NOP9: variants seen among roughly 807,000 people sequenced by gnomAD.
NOP9 encodes the protein nucleolar protein 9.
Under a neutral mutation model 63.0 loss-of-function variants are expected in NOP9, and 50 were observed. That is an observed-to-expected ratio of 0.79 (90% CI 0.63 to 1.00). NOP9 has a LOEUF of 1.00. NOP9 is among the 50% of genes least tolerant of loss of function. The pLI is 0.00. For missense variants in NOP9, 758 were observed against 803.0 expected, an observed-to-expected ratio of 0.94 and a Z score of 0.68; for synonymous variants, 343 against 332.8, an observed-to-expected ratio of 1.03 and a Z score of -0.33.
Position 24,299,865 on chromosome 14 carries a change from C to G in NOP9, c.-90C>G. The G allele has an allele frequency of 6.9e-7, 1 of 1,449,654 alleles. No homozygotes were observed. 89.8% of individuals were successfully genotyped at this position (1,449,654 alleles called of 1,614,324 possible). On this transcript the variant is annotated 5_prime_UTR_variant, in exon 1 of 10. Transcript: ENST00000267425. ...TCAGGAGCGCGCCCGCGTTTCTAAACTTTGTCTGGATAAGGCGCACGCTTG... is the reference window on the plus strand; with the variant it reads ...TCAGGAGCGCGCCCGCGTTTCTAAAGTTTGTCTGGATAAGGCGCACGCTTG...
rs765463057 is a variant in NOP9 at position 24,301,731 on chromosome 14, G to T, written c.808+9G>T. The stretch of plus-strand genomic sequence containing the variant: ...TCTGAAGGACATTGCAGGTAAGGAG[G>T]GAAGTAGGAGGATGGTCTCGTATCT... On this transcript the variant is annotated intron_variant, in intron 3 of 9. Coordinates refer to ENST00000267425, the MANE Select transcript of NOP9 (RefSeq NM_174913.3). The T allele has an allele frequency of 6.2e-7, 1 of 1,613,468 alleles. No individual in the cohort carries two copies.
the NOP9 span, among the ~76,000 whole-genome samples, chr14:24,275,362 A>C: frequency 1.3e-5 from 2 of 152,208 alleles, no homozygotes; most frequent in Non-Finnish European, 2.9e-5. Context: ...CATATTTTAC[A>C]ATGAAGCAAC....
chr14:24,303,386 A>AT (rs3052629), intron 6 of NOP9, among the ~76,000 whole-genome samples, 172 bp downstream of exon 6: 140 of 140,198 alleles, frequency 1.0e-3, no homozygotes, highest in African/African-American at 3.2e-3. Context: ...TACCCAGCTA[A>AT]TTTTTTTTTT....
chr14:24,283,774 C>T, the NOP9 span, among the ~76,000 whole-genome samples: 2 of 152,348 alleles, frequency 1.3e-5, no homozygotes, highest in East Asian at 1.9e-4. Flanking sequence ...CAGCTCTTTC[C>T]CCTACTGTCA....
the NOP9 span, chr14:24,271,242 A>G: frequency 3.9e-6 from 5 of 1,284,144 alleles, no homozygotes; most frequent in Non-Finnish European, 4.2e-6. Context: ...GGAAGCAGCA[A>G]GCGTGCCTGG....
chr14:24,285,845 T>G, the NOP9 span, among the ~76,000 whole-genome samples: 2 of 151,966 alleles, frequency 1.3e-5, no homozygotes, highest in Non-Finnish European at 2.9e-5. Context: ...AAAAATTAGC[T>G]GGGCGTGGTG....
At chr14:24,302,515 C>A in intron 5 of NOP9, 91 bp downstream of exon 5, 1 of 1,274,142 alleles carries the variant, frequency 7.8e-7, no homozygotes, top group Non-Finnish European at 1.1e-6. Flanking sequence ...ATACCTTTGA[C>A]ATTGTGCTGG....
At chr14:24,281,669 G>T in the NOP9 span, among the ~76,000 whole-genome samples, 1 of 152,208 alleles carries the variant, frequency 6.6e-6, no homozygotes, top group Non-Finnish European at 1.5e-5. Context: ...GTTGAGATGG[G>T]CCTGGCTGGA....
chr14:24,299,905 C>A lies in NOP9; in HGVS notation c.-50C>A, dbSNP rs965243902. ...GCGCACGCTTGGCGACGTCGAAGGT[C>A]CGTCCGCAGTTAAGGAAGCTTTTGC... On this transcript the variant is annotated 5_prime_UTR_variant, in exon 1 of 10. Transcript: ENST00000267425. 1.3e-6 allele frequency: 2 copies of A among 1,504,090 alleles called. No individual in the cohort carries two copies. Among genetic ancestry groups the A allele is most frequent in the Non-Finnish European group, 8.9e-7 (1 of 1,129,002 alleles). The allele number at this position is 1,504,090 out of a possible 1,614,324, so 93.2% of individuals were successfully genotyped here. A position where few individuals can be genotyped will look rare whatever the true frequency, so the allele number is the denominator to read the frequency against.
intron 5 of NOP9, 149 bp from the exon 6 acceptor site, chr14:24,302,925 C>G: frequency 1.1e-6 from 1 of 919,576 alleles, no homozygotes; most frequent in Non-Finnish European, 1.6e-6. Flanking sequence ...TTATCCTGGG[C>G]CTTATCTAGC....
the NOP9 span, among the ~76,000 whole-genome samples, chr14:24,290,033 C>T: frequency 6.6e-6 from 1 of 152,378 alleles, no homozygotes; most frequent in East Asian, 1.9e-4. Flanking sequence ...TGGAAGGTTC[C>T]CTCAGAATAG....
In NOP9 at chr14:24,301,957, C is replaced by A; in HGVS notation, c.809-8C>A. On this transcript the variant is annotated splice_region_variant and splice_polypyrimidine_tract_variant and intron_variant, in intron 3 of 9. Coordinates refer to ENST00000267425, the MANE Select transcript of NOP9 (RefSeq NM_174913.3). ...GAAAGCCGCTTTATTTCTGCCCTCT[C>A]TCCACAGTGTTTATCACTGATAAGA... The A allele has an allele frequency of 6.2e-7, 1 of 1,604,846 alleles. No individual in the cohort carries two copies. The highest frequency in any genetic ancestry group is 8.5e-7 in the Non-Finnish European group (1 of 1,175,710).
chr14:24,297,754 C>T (rs537404683), upstream of NOP9, among the ~76,000 whole-genome samples: 1 of 152,324 alleles, frequency 6.6e-6, no homozygotes, highest in Admixed American at 6.5e-5. Flanking sequence ...TCTCACACAT[C>T]TACTCTTTCA....
chr14:24,300,224 A>G, intron 1 of NOP9, 23 bp downstream of exon 1: 1 of 1,608,286 alleles, frequency 6.2e-7, no homozygotes, highest in Non-Finnish European at 8.5e-7. Context: ...TTCGGGGTTT[A>G]GACCAAGAGC....
chr14:24,302,312 T>C lies in NOP9; in HGVS notation c.1031T>C (p.Leu344Pro). The change falls in exon 5 of 10, where the codon CTC becomes CCC. Residue 344 changes from leucine to proline, a missense_variant. Coordinates refer to ENST00000267425, the MANE Select transcript of NOP9 (RefSeq NM_174913.3). ...CTGCTGGTGTTGGAGCCCCCAAGACTCCAGAGCCTCTTTGAGGAGCACTTG... is the reference window on the plus strand; with the variant it reads ...CTGCTGGTGTTGGAGCCCCCAAGACCCCAGAGCCTCTTTGAGGAGCACTTG... Reference protein sequence around the residue: ...QVLLVLEPPRLQSLFEEHLQG... With the variant: ...QVLLVLEPPRPQSLFEEHLQG... 6.2e-7 allele frequency: 1 copy of C among 1,614,130 alleles called. No individual in the cohort carries two copies. The highest frequency in any genetic ancestry group is 2.2e-5 in the East Asian group (1 of 44,880).
At chr14:24,296,216 T>C (rs2041244751), upstream of NOP9, among the ~76,000 whole-genome samples, 1 of 152,240 alleles carries the variant, frequency 6.6e-6, no homozygotes, top group African/African-American at 2.4e-5. Flanking sequence ...TGCGCATTAC[T>C]GAGAGGAGGA....
chr14:24,302,067 T>C lies in NOP9; in HGVS notation c.911T>C (p.Ile304Thr), dbSNP rs147003638. Residue 304 changes from isoleucine (I) to threonine (T), a missense_variant, in exon 4 of 10, where the codon ATT (isoleucine) becomes ACT (threonine). By Grantham distance (89) the Ile-to-Thr change is moderately conservative. Transcript: ENST00000267425. ...TGCGCTCATCTCTGCAATGCTGTGA[T>C]TGGCTACCTGAGTACTCGCGGTTCC... ...QFCAHLCNAVIGYLSTRGSSV... is the reference protein window; with the variant it reads ...QFCAHLCNAVTGYLSTRGSSV... 5.3e-5 allele frequency: 85 copies of C among 1,614,172 alleles called. No individual in the cohort carries two copies. Among genetic ancestry groups the C allele is most frequent in the Non-Finnish European group, 6.5e-5 (77 of 1,180,002 alleles).
intron 3 of NOP9, 44 bp downstream of exon 3, chr14:24,301,766 G>T: frequency 6.3e-7 from 1 of 1,599,888 alleles, no homozygotes. Flanking sequence ...TACTTGTCTG[G>T]AGGTCATCTT....
At chr14:24,291,717 G>A in the NOP9 span, 1 of 1,323,428 alleles carries the variant, frequency 7.6e-7, no homozygotes, top group South Asian at 1.2e-5. Flanking sequence ...AGGAGAAAAA[G>A]ACCAAAGACC....
Sources: gnomAD v4.1 joint callset for allele counts (sites outside exome capture counted in the v4.1 genomes callset) on GRCh38, gnomAD v4.1.1 for gene constraint, MANE v1.5 for transcripts, NCBI Gene and HGNC (gene_info 2026-07-23, HGNC 2026-07-21) for gene names.